Variants in AFAP1L2 observed in about 807,000 individuals in gnomAD.
AFAP1L2 encodes actin filament associated protein 1 like 2.
A neutral mutation model predicts 99.3 loss-of-function variants in AFAP1L2; 46 were observed. The observed-to-expected ratio is 0.46, with a 90% confidence interval of 0.37 to 0.59. AFAP1L2 has a LOEUF of 0.59. AFAP1L2 is among the 20% of genes least tolerant of loss of function. AFAP1L2 has a pLI of 0.00. For missense variants in AFAP1L2, 959 were observed against 1,034.9 expected, an observed-to-expected ratio of 0.93 and a Z score of 1.01; for synonymous variants, 397 against 419.1, an observed-to-expected ratio of 0.95 and a Z score of 0.64.
intron 1 of AFAP1L2, among the ~76,000 whole-genome samples, chr10:114,390,163 C>T (rs1045121382): frequency 6.6e-5 from 10 of 152,200 alleles, no homozygotes; most frequent in African/African-American, 2.4e-4. Context: ...CTGGTTCCTG[C>T]CTTTCCATCA....
rs2053391810 is a variant in AFAP1L2, at chr10:114,367,127, T to C, written c.17-26396A>G. Among the ~76,000 whole-genome samples the C allele has an allele frequency of 2.6e-5, 4 of 152,314 alleles. No homozygotes were observed. The South Asian group carries it at 8.3e-4, about 32-fold the overall frequency. ...CCCCAAATGTGTGGGAGGTGAAGGCTAACACATCGCTTACTGGCTGAGCTG... is the reference window on the plus strand; with the variant it reads ...CCCCAAATGTGTGGGAGGTGAAGGCCAACACATCGCTTACTGGCTGAGCTG... On this transcript the variant is annotated intron_variant, in intron 1 of 18. Transcript: ENST00000304129.
intron 1 of AFAP1L2, among the ~76,000 whole-genome samples, chr10:114,396,582 C>T (rs2057741610): frequency 6.6e-6 from 1 of 152,110 alleles, no homozygotes; most frequent in Admixed American, 6.5e-5. Context: ...AGCAGGACTG[C>T]CAAAAACAAA....
At position 114,295,124 on chromosome 10, in the gene AFAP1L2, G is replaced by T. The variant is rs2040001767; in HGVS notation, c.*918C>A. ...CACCCTAACCAAAAATCACCACTTT[G>T]TTCTTGGAAGGAGAATGAACATTAA... On this transcript the variant is annotated 3_prime_UTR_variant, in exon 19 of 19. Coordinates refer to ENST00000304129, the MANE Select transcript of AFAP1L2 (RefSeq NM_001001936.3). 1.0e-6 allele frequency: 1 copy of T among 985,164 alleles called. No individual in the cohort carries two copies. The highest frequency in any genetic ancestry group is 1.2e-6 in the Non-Finnish European group (1 of 829,816). The allele number at this position is 985,164 out of a possible 1,614,324, so 61.0% of individuals were successfully genotyped here.
chr10:114,306,562 A>G (rs2042487513), intron 10 of AFAP1L2, among the ~76,000 whole-genome samples: 1 of 151,972 alleles, frequency 6.6e-6, no homozygotes, highest in Non-Finnish European at 1.5e-5. Flanking sequence ...TGCCTGGCCC[A>G]GTGGGGATCA....
intron 1 of AFAP1L2, among the ~76,000 whole-genome samples, chr10:114,344,243 C>T (rs60056419): frequency 0.024 from 3,624 of 152,140 alleles, 149 homozygotes; most frequent in African/African-American, 0.083. Context: ...AGTTTCCTGT[C>T]GGCCCCAGGA....
At chr10:114,284,656 C>T in the AFAP1L2 span, among the ~76,000 whole-genome samples, 1 of 152,220 alleles carries the variant, frequency 6.6e-6, no homozygotes, top group African/African-American at 2.4e-5. Context: ...TGCTACAGAG[C>T]ATCCTTTACC....
chr10:114,293,475 G>A (rs375151721), downstream of AFAP1L2, among the ~76,000 whole-genome samples: 15 of 152,220 alleles, frequency 9.9e-5, no homozygotes, highest in East Asian at 1.3e-3. Context: ...TGGGTTTCTC[G>A]CCTTTGAAAC....
At chr10:114,337,720 T>A (rs2048194844) in intron 2 of AFAP1L2, among the ~76,000 whole-genome samples, 1 of 152,150 alleles carries the variant, frequency 6.6e-6, no homozygotes, top group Non-Finnish European at 1.5e-5. Flanking sequence ...GCTGCCAGAG[T>A]GGTTAGCACC....
chr10:114,393,229 GCCACCAA>G (rs1296306473), intron 1 of AFAP1L2, among the ~76,000 whole-genome samples: 7 of 152,086 alleles, frequency 4.6e-5, no homozygotes, highest in Admixed American at 4.6e-4. Flanking sequence ...GTGCCCCAAA[GCCACCAA>G]CACTCTCCTG....
In AFAP1L2 at chr10:114,311,195, G is replaced by C. The variant is rs72823082; in HGVS notation, c.793-752C>G. ...GTGGGTTTGGGCAGTCAGAGGAACA[G>C]AGCCTGGGCTGGGGGCAGATGCAGA... On this transcript the variant is annotated intron_variant, in intron 7 of 18. Transcript: ENST00000304129. 2.9e-3 allele frequency among the ~76,000 whole-genome samples: 445 copies of C among 152,310 alleles called. 1 individual carries two copies. Among genetic ancestry groups the C allele is most frequent in the Non-Finnish European group, 5.3e-3 (358 of 68,032 alleles).
At chr10:114,282,446 A>G in the AFAP1L2 span, 1 of 1,258,470 alleles carries the variant, frequency 7.9e-7, no homozygotes, top group South Asian at 1.2e-5. Context: ...GGTGTTGTAA[A>G]TCATCTTCTG....
intron 1 of AFAP1L2, among the ~76,000 whole-genome samples, chr10:114,370,843 A>T (rs79911709): frequency 0.011 from 1,667 of 152,206 alleles, 11 homozygotes; most frequent in Non-Finnish European, 0.016. Flanking sequence ...ATGGTTATCC[A>T]CTTCCACTAT....
chr10:114,349,555 G>GA (rs200302338), intron 1 of AFAP1L2, among the ~76,000 whole-genome samples: 103,168 of 123,610 alleles, frequency 0.83, 43,181 homozygotes, highest in Middle Eastern at 0.86. Flanking sequence ...TTGTCGCTTG[G>GA]AAAAAAAAAA....
intron 18 of AFAP1L2, chr10:114,296,318 G>T (rs893384465): frequency 3.8e-6 from 2 of 524,822 alleles, no homozygotes; most frequent in Non-Finnish European, 6.8e-6. Flanking sequence ...AGGTTCAGAT[G>T]CTTGCATGGA....
intron 1 of AFAP1L2, among the ~76,000 whole-genome samples, chr10:114,375,258 T>G (rs2054638343): frequency 6.6e-6 from 1 of 152,318 alleles, no homozygotes; most frequent in African/African-American, 2.4e-5. Flanking sequence ...AGTGGCTACT[T>G]CCAGGCTACC....
chr10:114,363,787 G>A (rs2052795967), intron 1 of AFAP1L2, among the ~76,000 whole-genome samples: 1 of 152,192 alleles, frequency 6.6e-6, no homozygotes, highest in South Asian at 2.1e-4. Context: ...GTGCTGTTGT[G>A]TGATGGCCTG....
At chr10:114,370,725 G>C (rs906701408) in intron 1 of AFAP1L2, among the ~76,000 whole-genome samples, 4 of 152,316 alleles carry the variant, frequency 2.6e-5, no homozygotes, top group African/African-American at 4.8e-5. Flanking sequence ...TCTGAGACTT[G>C]TTCTCATTTG....
the AFAP1L2 span, chr10:114,285,803 C>T: frequency 3.0e-4 from 278 of 928,192 alleles, 1 homozygote; most frequent in African/African-American, 3.3e-3. Context: ...GTGACGAGCA[C>T]GGGTCACTTA....
chr10:114,398,125 G>A (rs1229549667), intron 1 of AFAP1L2, among the ~76,000 whole-genome samples: 1 of 152,178 alleles, frequency 6.6e-6, no homozygotes, highest in Non-Finnish European at 1.5e-5. Context: ...AATGCAGTTT[G>A]TGGTTAGTTT....
Sources: gnomAD v4.1 joint callset for allele counts (sites outside exome capture counted in the v4.1 genomes callset) on GRCh38, gnomAD v4.1.1 for gene constraint, MANE v1.5 for transcripts, NCBI Gene and HGNC (gene_info 2026-07-23, HGNC 2026-07-21) for gene names.